Variants in UBTD1 observed in about 807,000 individuals in gnomAD.
The protein encoded by UBTD1 is ubiquitin domain containing 1, also known as ubiquitin domain-containing protein 1.
Under a neutral mutation model 21.7 loss-of-function variants are expected in UBTD1, and 19 were observed. That is an observed-to-expected ratio of 0.87 (90% CI 0.61 to 1.28). The LOEUF (loss-of-function observed/expected upper bound fraction) is 1.28, where lower values mean the gene tolerates loss of function less well. UBTD1 is among the 50% of genes most tolerant of loss of function. UBTD1 has a pLI of 0.00. For missense variants in UBTD1, 282 were observed against 315.1 expected (o/e 0.89, Z 0.80); for synonymous variants, 116 against 135.1 (o/e 0.86, Z 0.98).
At chr10:97,556,539 G>A (rs185163348) in intron 1 of UBTD1, among the ~76,000 whole-genome samples, 6 of 152,308 alleles carry the variant, frequency 3.9e-5, no homozygotes, top group Admixed American at 3.9e-4. Flanking sequence ...ATCCCCATGA[G>A]CCATCTTGTG....
At chr10:97,539,441 A>T (rs182181329) in intron 1 of UBTD1, among the ~76,000 whole-genome samples, 1 of 152,114 alleles carries the variant, frequency 6.6e-6, no homozygotes, top group African/African-American at 2.4e-5. Context: ...ACAAAAATTT[A>T]AAAATTAGCT....
In UBTD1 at chr10:97,524,470, C is replaced by T. The variant is rs540623017; in HGVS notation, c.70+25197C>T. On this transcript the variant is annotated intron_variant, in intron 1 of 2. Transcript: ENST00000370664. ...CCCCCTCTTCCTGATACTCCCAAATCGTAGGGGTTGGCTGGGAACAGGATT... is the reference window on the plus strand; with the variant it reads ...CCCCCTCTTCCTGATACTCCCAAATTGTAGGGGTTGGCTGGGAACAGGATT... Among the ~76,000 whole-genome samples, 4 of 152,274 alleles carry T rather than the reference C, an allele frequency of 2.6e-5. No individual in the cohort carries two copies. The South Asian group carries it at 6.2e-4, about 24-fold the overall frequency.
At chr10:97,543,789 A>G (rs983033842) in intron 1 of UBTD1, among the ~76,000 whole-genome samples, 1 of 152,164 alleles carries the variant, frequency 6.6e-6, no homozygotes, top group Non-Finnish European at 1.5e-5. Context: ...CCAGGGTGAA[A>G]ATTATGTAAT....
chr10:97,499,128 C>T lies in UBTD1; in HGVS notation c.-76C>T. ...GATGCCGGGCGGCCGGAGCCATTGA[C>T]CCGGGACGCCGCCGTCCGCTGAGCA... On this transcript the variant is annotated 5_prime_UTR_variant, in exon 1 of 3. Coordinates refer to ENST00000370664, the MANE Select transcript of UBTD1 (RefSeq NM_024954.5). 6.9e-7 allele frequency: 1 copy of T among 1,445,202 alleles called. No homozygotes were observed. Among genetic ancestry groups the T allele is most frequent in the Non-Finnish European group, 9.2e-7 (1 of 1,086,598 alleles). 89.5% of individuals were successfully genotyped at this position (1,445,202 alleles called of 1,614,324 possible). A position where few individuals can be genotyped will look rare whatever the true frequency, so the allele number is the denominator to read the frequency against.
At chr10:97,532,798 A>AAGAG (rs2040539112) in intron 1 of UBTD1, among the ~76,000 whole-genome samples, 1 of 148,942 alleles carries the variant, frequency 6.7e-6, no homozygotes, top group Non-Finnish European at 1.5e-5. Flanking sequence ...CTCAAAAAAA[A>AAGAG]AAAGAAAGAA....
At chr10:97,544,794 C>T (rs184675502) in intron 1 of UBTD1, among the ~76,000 whole-genome samples, 2 of 152,230 alleles carry the variant, frequency 1.3e-5, no homozygotes, top group African/African-American at 4.8e-5. Flanking sequence ...AGTTTGAAGC[C>T]AGCCTGGGCA....
chr10:97,562,385 G>A (rs1226268399), intron 1 of UBTD1, among the ~76,000 whole-genome samples: 2 of 152,226 alleles, frequency 1.3e-5, no homozygotes, highest in Admixed American at 1.3e-4. Context: ...GGCGGCCTGG[G>A]TCTGAAAAGA....
intron 1 of UBTD1, among the ~76,000 whole-genome samples, chr10:97,549,925 C>T (rs568655369): frequency 5.9e-5 from 9 of 152,372 alleles, no homozygotes; most frequent in East Asian, 1.9e-4. Context: ...TGGCTCCCCC[C>T]TCCCCGCCTG....
chr10:97,506,760 T>C (rs2040401277), intron 1 of UBTD1, among the ~76,000 whole-genome samples: 1 of 152,250 alleles, frequency 6.6e-6, no homozygotes, highest in Non-Finnish European at 1.5e-5. Context: ...AATCATGTAG[T>C]ATTTCTCCTT....
At chr10:97,528,032 A>G (rs2040498667) in intron 1 of UBTD1, among the ~76,000 whole-genome samples, 1 of 147,884 alleles carries the variant, frequency 6.8e-6, no homozygotes, top group Non-Finnish European at 1.5e-5. Flanking sequence ...GGCCGGGCAG[A>G]GGCGCCCCTC....
chr10:97,563,967 A>AGAT (rs1316199180), intron 1 of UBTD1, among the ~76,000 whole-genome samples: 2 of 152,140 alleles, frequency 1.3e-5, no homozygotes, highest in African/African-American at 4.8e-5. Context: ...GGAAGAGGAG[A>AGAT]GATCAGGCTG....
intron 1 of UBTD1, among the ~76,000 whole-genome samples, chr10:97,564,241 C>CT (rs2040707264): frequency 6.6e-6 from 1 of 152,230 alleles, no homozygotes; most frequent in African/African-American, 2.4e-5. Flanking sequence ...AGATAGTCGC[C>CT]TAGAGGGCTG....
chr10:97,545,785 G>C (rs2040608086), intron 1 of UBTD1, among the ~76,000 whole-genome samples: 1 of 152,232 alleles, frequency 6.6e-6, no homozygotes, highest in Admixed American at 6.5e-5. Flanking sequence ...GGCCTGCCAG[G>C]TAGCTCAGTA....
intron 1 of UBTD1, among the ~76,000 whole-genome samples, chr10:97,509,069 G>A (rs1435183575): frequency 6.6e-6 from 1 of 152,144 alleles, no homozygotes; most frequent in Non-Finnish European, 1.5e-5. Flanking sequence ...GTCACTCTTC[G>A]TAATTAATAA....
At chr10:97,506,898 C>A (rs563576951) in intron 1 of UBTD1, among the ~76,000 whole-genome samples, 61 of 152,176 alleles carry the variant, frequency 4.0e-4, no homozygotes, top group Non-Finnish European at 7.5e-4. Flanking sequence ...TTTGCTTATT[C>A]ATTCCTCCAT....
rs58308271 is a variant in UBTD1 at position 97,534,579 on chromosome 10, G to GCACA, written c.71-33305_71-33302dup. On this transcript the variant is annotated intron_variant, in intron 1 of 2. Coordinates refer to ENST00000370664, the MANE Select transcript of UBTD1 (RefSeq NM_024954.5). ...CACTAAGGAACACACACGCGCGCGC[G>GCACA]CACACACACACACACACACACACAC... is the stretch of plus-strand genomic sequence containing the variant. Among the ~76,000 whole-genome samples, 1,382 of 145,322 alleles carry GCACA rather than the reference G, an allele frequency of 9.5e-3. 11 individuals are homozygous for GCACA. Among genetic ancestry groups the GCACA allele is most frequent in the South Asian group, 0.022 (100 of 4,560 alleles).
intron 1 of UBTD1, among the ~76,000 whole-genome samples, chr10:97,502,069 G>A (rs563522302): frequency 1.3e-5 from 2 of 152,000 alleles, no homozygotes; most frequent in African/African-American, 4.8e-5. Flanking sequence ...TCTCTCTCAC[G>A]CACACACACA....
Position 97,570,054 on chromosome 10 carries a change from C to T in UBTD1, c.299-84C>T. On this transcript the variant is annotated intron_variant, in intron 2 of 2. Coordinates refer to ENST00000370664, the MANE Select transcript of UBTD1 (RefSeq NM_024954.5). This position sits in a 1 kb window ranked among gnomAD's most constrained non-coding sequence, Gnocchi z 6.6. ...AGTCACATTGGGGGTTAGAGTTTCA[C>T]CATATGAATTTGGGGGGACCCAAAC... The T allele has an allele frequency of 6.6e-7, 1 of 1,507,544 alleles. No individual in the cohort carries two copies. The highest frequency in any genetic ancestry group is 1.3e-5 in the South Asian group (1 of 78,930). 93.4% of individuals were successfully genotyped at this position (1,507,544 alleles called of 1,614,324 possible).
chr10:97,546,892 A>G (rs2040613449), intron 1 of UBTD1, among the ~76,000 whole-genome samples: 1 of 152,006 alleles, frequency 6.6e-6, no homozygotes, highest in African/African-American at 2.4e-5. Context: ...CTGCCACCTC[A>G]CACACACACT....
Sources: allele counts gnomAD v4.1 joint callset (sites outside exome capture counted in the v4.1 genomes callset), GRCh38; gene constraint gnomAD v4.1.1; non-coding constraint Gnocchi (gnomAD v3.1); transcripts MANE v1.5; gene names NCBI Gene and HGNC (gene_info 2026-07-23, HGNC 2026-07-21).